Variants in CUL5 observed in about 807,000 individuals in gnomAD.
CUL5 encodes cullin-5.
CUL5 carries 26 observed loss-of-function variants against 108.8 expected under a neutral mutation model. The ratio of observed to expected loss-of-function variants is 0.24; its 90% CI spans 0.18 to 0.33. The LOEUF is 0.33. Among genes scored for constraint, CUL5 ranks in the 10% least tolerant of loss-of-function variants. The probability of loss-of-function intolerance (pLI) is 1.00; values close to 1 mark genes in which losing one functional copy is unlikely to be tolerated. For synonymous variants in CUL5, 334 were observed against 298.0 expected, an observed-to-expected ratio of 1.12 and a Z score of -1.25; for missense variants, 524 against 909.2, an observed-to-expected ratio of 0.58 and a Z score of 5.45.
rs553755409 is a variant in CUL5, at chr11:108,072,324, C to A, written c.875-8C>A. ...AAATGATTACATGAATGTGTTCTCT[C>A]CTTCCAGAATTACATTTAATGTTTT... is the stretch of plus-strand genomic sequence containing the variant. On this transcript the variant is annotated splice_polypyrimidine_tract_variant and splice_region_variant and intron_variant, in intron 8 of 18. Transcript: ENST00000393094. The A allele has an allele frequency of 6.3e-7, 1 of 1,589,348 alleles. No individual in the cohort carries two copies. The highest frequency in any genetic ancestry group is 8.6e-7 in the Non-Finnish European group (1 of 1,167,136).
At chr11:108,030,393 T>C (rs193176295) in intron 1 of CUL5, among the ~76,000 whole-genome samples, 2 of 152,312 alleles carry the variant, frequency 1.3e-5, no homozygotes, top group Admixed American at 1.3e-4. Context: ...ATCCTAGCAC[T>C]TTGGGAGGCT....
At chr11:108,043,156 C>T (rs4754288) in intron 2 of CUL5, among the ~76,000 whole-genome samples, 146,663 of 152,314 alleles carry the variant, frequency 0.96, 70,865 homozygotes, top group East Asian at 1. Flanking sequence ...CATTGTAACC[C>T]TGAACTTCTG....
chr11:108,030,549 A>G lies in CUL5; in HGVS notation c.25-3253A>G, dbSNP rs140748699. Among the ~76,000 whole-genome samples, 220 of 152,344 alleles carry G rather than the reference A, an allele frequency of 1.4e-3. 3 individuals are homozygous for G. The highest frequency in any genetic ancestry group is 4.4e-3 in the African/African-American group (185 of 41,588). On this transcript the variant is annotated intron_variant, in intron 1 of 18. Transcript: ENST00000393094. ...TTACTCGGGAAGCTGAGGCAGGAGA[A>G]TCGCTTGAACCCGGGAGGCGGAGGT...
At chr11:108,101,510 C>T (rs1864666688) in intron 18 of CUL5, among the ~76,000 whole-genome samples, 1 of 152,168 alleles carries the variant, frequency 6.6e-6, no homozygotes, top group Non-Finnish European at 1.5e-5. Flanking sequence ...TCTGAGACTC[C>T]ACTACATCTT....
chr11:108,096,330 A>G (rs1864493053), intron 16 of CUL5, among the ~76,000 whole-genome samples: 1 of 28,898 alleles, frequency 3.5e-5, no homozygotes, highest in Admixed American at 2.2e-4. Context: ...CCCATCTCTA[A>G]AAAAAAAAAA....
chr11:108,018,775 A>G (rs1196781122), intron 1 of CUL5, among the ~76,000 whole-genome samples: 4 of 152,174 alleles, frequency 2.6e-5, no homozygotes, highest in Admixed American at 1.3e-4. Flanking sequence ...GAGATAAGAA[A>G]GATTTTATGA....
intron 3 of CUL5, among the ~76,000 whole-genome samples, chr11:108,048,512 A>G (rs1863121852): frequency 6.6e-6 from 1 of 152,132 alleles, no homozygotes; most frequent in Non-Finnish European, 1.5e-5. Flanking sequence ...AGCCTTTGAG[A>G]TGAAAGTGGA....
chr11:108,027,453 G>T (rs1329251826), intron 1 of CUL5, among the ~76,000 whole-genome samples: 1 of 152,068 alleles, frequency 6.6e-6, no homozygotes, highest in Non-Finnish European at 1.5e-5. Flanking sequence ...TGTATTTTCA[G>T]TAGAGACAGG....
chr11:108,102,686 C>T (rs1864702603), intron 18 of CUL5, among the ~76,000 whole-genome samples: 1 of 152,134 alleles, frequency 6.6e-6, no homozygotes, highest in African/African-American at 2.4e-5. Context: ...CTGAATAGTG[C>T]CTGACTCCCA....
intron 13 of CUL5, among the ~76,000 whole-genome samples, chr11:108,093,859 C>A (rs943287139): frequency 6.6e-6 from 1 of 152,144 alleles, no homozygotes; most frequent in Non-Finnish European, 1.5e-5. Flanking sequence ...GCCGCCATAT[C>A]CTGCTAACTT....
At chr11:108,043,889 G>A (rs1862999781) in intron 2 of CUL5, among the ~76,000 whole-genome samples, 1 of 152,096 alleles carries the variant, frequency 6.6e-6, no homozygotes, top group Non-Finnish European at 1.5e-5. Context: ...ATTAGCCAGT[G>A]GTGCATGCCT....
At chr11:108,044,455 C>CTGTGTTCATG (rs1432341242) in intron 2 of CUL5, among the ~76,000 whole-genome samples, 1 of 151,854 alleles carries the variant, frequency 6.6e-6, no homozygotes, top group African/African-American at 2.4e-5. Flanking sequence ...CTGCAGTGAG[C>CTGTGTTCATG]TGTGTTCATG....
intron 11 of CUL5, among the ~76,000 whole-genome samples, chr11:108,081,523 C>T (rs959073214): frequency 1.2e-4 from 18 of 151,976 alleles, no homozygotes; most frequent in African/African-American, 2.9e-4. Flanking sequence ...GAGGCCGAGG[C>T]GGGCAGATCA....
chr11:108,028,697 G>A (rs576094924), intron 1 of CUL5, among the ~76,000 whole-genome samples: 1 of 152,152 alleles, frequency 6.6e-6, no homozygotes, highest in East Asian at 1.9e-4. Flanking sequence ...TTAGCTGAGC[G>A]TGGTGGTGCA....
chr11:108,087,889 C>G (rs543617365), intron 11 of CUL5, among the ~76,000 whole-genome samples: 1 of 151,876 alleles, frequency 6.6e-6, no homozygotes, highest in African/African-American at 2.4e-5. Flanking sequence ...CGCTTGAACC[C>G]GAGAGGCAGA....
intron 5 of CUL5, among the ~76,000 whole-genome samples, chr11:108,053,261 A>G (rs1005766065): frequency 2.0e-5 from 3 of 152,150 alleles, no homozygotes; most frequent in African/African-American, 7.2e-5. Context: ...TTCCCAGAGT[A>G]AGTTAACTTC....
chr11:108,087,984 T>A (rs1013480443), intron 11 of CUL5, among the ~76,000 whole-genome samples: 1 of 151,712 alleles, frequency 6.6e-6, no homozygotes, highest in African/African-American at 2.4e-5. Flanking sequence ...TAAAAAAAAA[T>A]TTGTATCAGG....
At chr11:108,077,802 T>A (rs1374231531) in intron 10 of CUL5, among the ~76,000 whole-genome samples, 1 of 151,522 alleles carries the variant, frequency 6.6e-6, no homozygotes, top group Non-Finnish European at 1.5e-5. Context: ...AAAGTTAGCC[T>A]GATGTAGTGG....
chr11:108,068,742 T>C (rs1222699087), intron 7 of CUL5, among the ~76,000 whole-genome samples: 1 of 152,156 alleles, frequency 6.6e-6, no homozygotes, highest in Non-Finnish European at 1.5e-5. Flanking sequence ...AATAATTACA[T>C]GACACGAGGG....
Sources: allele counts gnomAD v4.1 joint callset (sites outside exome capture counted in the v4.1 genomes callset), GRCh38; gene constraint gnomAD v4.1.1; transcripts MANE v1.5; gene names NCBI Gene and HGNC (gene_info 2026-07-23, HGNC 2026-07-21).